Variants in AFG3L2 observed in about 807,000 individuals in gnomAD.
AFG3L2 encodes AFG3 like matrix AAA peptidase subunit 2, also known as mitochondrial inner membrane m-AAA protease component AFG3L2.
Under a neutral mutation model 94.5 loss-of-function variants are expected in AFG3L2, and 54 were observed. The ratio of observed to expected loss-of-function variants is 0.57; its 90% CI spans 0.46 to 0.72. The LOEUF is 0.72. Among genes scored for constraint, AFG3L2 ranks in the 30% least tolerant of loss-of-function variants. AFG3L2 has a pLI of 0.00. For missense variants in AFG3L2, 754 were observed against 994.9 expected, an observed-to-expected ratio of 0.76 and a Z score of 3.26; for synonymous variants, 377 against 365.5, an observed-to-expected ratio of 1.03 and a Z score of -0.36.
chr18:12,349,800 T>C (rs1908256263), intron 12 of AFG3L2, among the ~76,000 whole-genome samples: 1 of 151,838 alleles, frequency 6.6e-6, no homozygotes, highest in Non-Finnish European at 1.5e-5. Context: ...TAGCTGGGAT[T>C]ACAGCACCCC....
At position 12,329,694 on chromosome 18, in the gene AFG3L2, G is replaced by A; in HGVS notation, c.2265C>T (p.Thr755=). The part of the protein sequence containing the change: ...LGPRPFAEKS[T]YEEFVEGTGS... The stretch of plus-strand genomic sequence containing the variant: ...CAGTGCCTTCCACAAATTCTTCATA[G>A]GTAGATTTTTCCGCAAATGGTCTGG... The change falls in exon 17 of 17, where the codon ACC becomes ACT. Residue 755 remains threonine, a synonymous_variant. Transcript: ENST00000269143. The A allele has an allele frequency of 6.2e-7, 1 of 1,614,154 alleles. No individual in the cohort carries two copies. Among genetic ancestry groups the A allele is most frequent in the South Asian group, 1.1e-5 (1 of 91,076 alleles).
chr18:12,346,248 A>G (rs1233468233), intron 13 of AFG3L2, among the ~76,000 whole-genome samples: 1 of 152,104 alleles, frequency 6.6e-6, no homozygotes, highest in Non-Finnish European at 1.5e-5. Flanking sequence ...AAATGTGAGC[A>G]CTGGGTAACA....
At chr18:12,342,967 A>G (rs189829633) in intron 14 of AFG3L2, 5 of 151,868 alleles carry the variant, frequency 3.3e-5, no homozygotes, top group East Asian at 1.9e-4. Context: ...ACTCATTTGT[A>G]TTTCCATATC....
chr18:12,345,129 C>T (rs1164704008), intron 13 of AFG3L2, among the ~76,000 whole-genome samples: 1 of 152,228 alleles, frequency 6.6e-6, no homozygotes. Flanking sequence ...TGCTGGCGCA[C>T]CCTCACCTAA....
At chr18:12,335,597 G>A (rs1280098954) in intron 16 of AFG3L2, among the ~76,000 whole-genome samples, 1 of 152,160 alleles carries the variant, frequency 6.6e-6, no homozygotes. Flanking sequence ...CCTCTAAGCT[G>A]ACAGAGATCT....
chr18:12,372,610 A>G (rs972130534), intron 1 of AFG3L2, among the ~76,000 whole-genome samples: 2 of 152,252 alleles, frequency 1.3e-5, no homozygotes, highest in African/African-American at 4.8e-5. Flanking sequence ...AGCCTTATTC[A>G]TAACAGTCAA....
chr18:12,357,786 A>C (rs2143188747), intron 8 of AFG3L2, among the ~76,000 whole-genome samples: 1 of 152,164 alleles, frequency 6.6e-6, no homozygotes, highest in East Asian at 1.9e-4. Flanking sequence ...TTTAGTAGAG[A>C]CAGGGATTCA....
intron 9 of AFG3L2, among the ~76,000 whole-genome samples, chr18:12,355,165 C>G (rs920572477): frequency 1.3e-5 from 2 of 150,318 alleles, no homozygotes; most frequent in Non-Finnish European, 2.9e-5. Context: ...TGCCGCTGCA[C>G]TCCAGCCTGG....
At chr18:12,335,788 C>T (rs1598819763) in intron 16 of AFG3L2, among the ~76,000 whole-genome samples, 1 of 152,336 alleles carries the variant, frequency 6.6e-6, no homozygotes, top group East Asian at 1.9e-4. Context: ...TCTGCCCATG[C>T]TGGCCTTTTC....
chr18:12,344,486 C>A (rs758188061), intron 13 of AFG3L2, among the ~76,000 whole-genome samples: 10 of 152,024 alleles, frequency 6.6e-5, no homozygotes, highest in Non-Finnish European at 1.3e-4. Context: ...ACCAGCCTGG[C>A]CAACATGGTG....
Position 12,329,047 on chromosome 18 carries a change from A to T in AFG3L2, c.*518T>A. On this transcript the variant is annotated 3_prime_UTR_variant, in exon 17 of 17. Coordinates refer to ENST00000269143, the MANE Select transcript of AFG3L2 (RefSeq NM_006796.3). ...AAGTATGTTACAGCTCCTGTAGAAA[A>T]CCATTCCATTAAGACAGCAACAAGT... is the stretch of plus-strand genomic sequence containing the variant. The T allele has an allele frequency of 1.5e-6, 1 of 679,104 alleles. No homozygotes were observed. Among genetic ancestry groups the T allele is most frequent in the South Asian group, 1.5e-5 (1 of 64,808 alleles). 42.1% of individuals were successfully genotyped at this position (679,104 alleles called of 1,614,324 possible).
rs150733492 is a variant in AFG3L2, at chr18:12,375,128, C to T, written c.114+1841G>A. On this transcript the variant is annotated intron_variant, in intron 1 of 16. Transcript: ENST00000269143. ...AAAACAGGGAAATGGATACAGGAAA[C>T]CGAAAAAGGACCTACCACACGGCAG... 7.2e-3 allele frequency among the ~76,000 whole-genome samples: 1,090 copies of T among 150,850 alleles called. 6 individuals carry two copies. The highest frequency in any genetic ancestry group is 0.012 in the Non-Finnish European group (818 of 67,718).
intron 15 of AFG3L2, among the ~76,000 whole-genome samples, chr18:12,339,199 C>T (rs1355510546): frequency 1.4e-5 from 2 of 141,518 alleles, no homozygotes; most frequent in African/African-American, 5.4e-5. Context: ...CCAGATGGCG[C>T]CACTGCACTC....
intron 14 of AFG3L2, 200 bp downstream of exon 14, chr18:12,343,932 C>T (rs1908036843): frequency 8.2e-6 from 5 of 610,586 alleles, no homozygotes; most frequent in Non-Finnish European, 1.5e-5. Context: ...CTCTGTGGTC[C>T]CTTTAAATAA....
At chr18:12,333,109 CTATTA>C (rs1907620136) in intron 16 of AFG3L2, among the ~76,000 whole-genome samples, 3 of 48,492 alleles carry the variant, frequency 6.2e-5, no homozygotes, top group Non-Finnish European at 1.2e-4. Flanking sequence ...TATTATATAA[CTATTA>C]TATAATAGAT....
At chr18:12,373,409 A>C (rs1014118249) in intron 1 of AFG3L2, among the ~76,000 whole-genome samples, 4 of 152,230 alleles carry the variant, frequency 2.6e-5, no homozygotes, top group African/African-American at 9.6e-5. Context: ...CACCCCTAAG[A>C]AGCACAGAAA....
At chr18:12,332,935 T>TATAATATATAATATATATTATAG (rs1907587774) in intron 16 of AFG3L2, among the ~76,000 whole-genome samples, 24 of 122,640 alleles carry the variant, frequency 2.0e-4, no homozygotes, top group Admixed American at 8.7e-4. Flanking sequence ...ACATATACTA[T>TATAATATATAATATATATTATAG]ATAACATATA....
chr18:12,357,558 A>G (rs888717776), intron 8 of AFG3L2, among the ~76,000 whole-genome samples: 1 of 152,232 alleles, frequency 6.6e-6, no homozygotes, highest in African/African-American at 2.4e-5. Context: ...CTAACGACCA[A>G]TGATGAACTT....
intron 16 of AFG3L2, among the ~76,000 whole-genome samples, chr18:12,331,822 T>TATATATAA (rs1568131372): frequency 4.8e-4 from 1 of 2,070 alleles, no homozygotes; most frequent in African/African-American, 7.9e-4. Context: ...TATATATATA[T>TATATATAA]ATATATATAT....
Sources: gnomAD v4.1 joint callset for allele counts (sites outside exome capture counted in the v4.1 genomes callset) on GRCh38, gnomAD v4.1.1 for gene constraint, MANE v1.5 for transcripts, NCBI Gene and HGNC (gene_info 2026-07-23, HGNC 2026-07-21) for gene names.